RFFL: variants seen among roughly 807,000 people sequenced by gnomAD.
RFFL encodes the protein ring finger and FYVE like domain containing E3 ubiquitin protein ligase, also known as E3 ubiquitin-protein ligase rififylin.
In RFFL, 16 loss-of-function variants were observed where a neutral mutation model predicts 40.4. That is an observed-to-expected ratio of 0.40 (90% confidence interval 0.27 to 0.60). RFFL has a LOEUF of 0.60. Ranked by LOEUF, RFFL falls within the 20% of genes least tolerant of loss-of-function variation. The pLI is 0.47. For missense variants in RFFL, 367 were observed against 451.7 expected (o/e 0.81, Z 1.70); for synonymous variants, 154 against 167.9 (o/e 0.92, Z 0.64).
chr17:35,011,504 T>C lies in RFFL; in HGVS notation c.*464A>G, dbSNP rs942966784. 2.4e-4 allele frequency: 39 copies of C among 160,486 alleles called. No individual in the cohort carries two copies. The highest frequency in any genetic ancestry group is 8.4e-4 in the African/African-American group (35 of 41,584). 9.9% of individuals were successfully genotyped at this position (160,486 alleles called of 1,614,324 possible). A position where few individuals can be genotyped will look rare whatever the true frequency, so the allele number is the denominator to read the frequency against. ...ATGTAGCAAGAGACTTTAGCAAAGATAGTTAAAGCACAGAAAGCCGGAGAG... is the reference window on the plus strand; with the variant it reads ...ATGTAGCAAGAGACTTTAGCAAAGACAGTTAAAGCACAGAAAGCCGGAGAG... On this transcript the variant is annotated 3_prime_UTR_variant, in exon 7 of 7. Transcript: ENST00000394597.
In RFFL at chr17:35,009,083, C is replaced by T. The variant is rs2090917547; in HGVS notation, c.*2885G>A. 1 of 152,618 alleles carries T rather than the reference C, an allele frequency of 6.6e-6. No homozygotes were observed. Among genetic ancestry groups the T allele is most frequent in the African/African-American group, 2.4e-5 (1 of 41,442 alleles). The allele number at this position is 152,618 out of a possible 1,614,324, so 9.5% of individuals were successfully genotyped here. ...CAGGCTCTTTTGTCAGTCCTATCAA[C>T]CTCTAACATCCTCGCACCAGACAGG... On this transcript the variant is annotated 3_prime_UTR_variant, in exon 7 of 7. Transcript: ENST00000394597.
intron 1 of RFFL, among the ~76,000 whole-genome samples, chr17:35,081,151 A>AT (rs1000617812): frequency 1.3e-5 from 2 of 152,214 alleles, no homozygotes; most frequent in African/African-American, 4.8e-5. Flanking sequence ...CTAAAAAAAA[A>AT]GTGGGGGTTA....
intron 3 of RFFL, among the ~76,000 whole-genome samples, 162 bp downstream of exon 3, chr17:35,021,209 T>C (rs1409957707): frequency 6.6e-6 from 1 of 151,986 alleles, no homozygotes; most frequent in Non-Finnish European, 1.5e-5. Context: ...AAAACATGAG[T>C]CTGATACCCA....
At chr17:35,068,079 C>T (rs186571015), upstream of RFFL, among the ~76,000 whole-genome samples, 31 of 152,296 alleles carry the variant, frequency 2.0e-4, no homozygotes, top group Admixed American at 1.8e-3. Flanking sequence ...GGATATGATA[C>T]AAGGGGCTTA....
chr17:35,071,912 G>T (rs2091352754), intron 1 of RFFL, among the ~76,000 whole-genome samples: 1 of 152,136 alleles, frequency 6.6e-6, no homozygotes, highest in South Asian at 2.1e-4. Flanking sequence ...AACTTGGATG[G>T]ATGGTGTGAC....
chr17:35,046,552 AAAT>A (rs1009145229), intron 1 of RFFL, among the ~76,000 whole-genome samples: 3 of 152,312 alleles, frequency 2.0e-5, no homozygotes, highest in African/African-American at 7.2e-5. Flanking sequence ...TAAACTGTTA[AAAT>A]AATAATATGA....
At chr17:35,023,823 G>A (rs1024561824) in intron 2 of RFFL, among the ~76,000 whole-genome samples, 1 of 152,172 alleles carries the variant, frequency 6.6e-6, no homozygotes, top group Non-Finnish European at 1.5e-5. Context: ...CAACAACCTA[G>A]CTTCTATGCA....
intron 1 of RFFL, among the ~76,000 whole-genome samples, chr17:35,040,626 A>G (rs1462967102): frequency 6.6e-6 from 1 of 151,712 alleles, no homozygotes; most frequent in Non-Finnish European, 1.5e-5. Flanking sequence ...GTAAAAAAAA[A>G]ATAAAAAATA....
At chr17:35,078,031 T>TA (rs762833204) in intron 1 of RFFL, among the ~76,000 whole-genome samples, 15 of 152,202 alleles carry the variant, frequency 9.9e-5, no homozygotes, top group Admixed American at 2.0e-4. Flanking sequence ...TCTTTTTTTT[T>TA]ATGTGTGGTT....
chr17:35,026,124 G>A (rs2091039032), intron 2 of RFFL, among the ~76,000 whole-genome samples: 3 of 152,224 alleles, frequency 2.0e-5, no homozygotes, highest in Admixed American at 2.0e-4. Flanking sequence ...AGAGAGGTTA[G>A]ATCATATAGC....
rs554717975 is a variant in RFFL, at chr17:35,049,914, T to G, written c.-9+13662A>C. On this transcript the variant is annotated intron_variant, in intron 1 of 6. Transcript: ENST00000394597. ...CTGGCCAACATGGCGAAACCCTGTCTCTACTAAAAATACAAAAATTAGCCA... is the reference window on the plus strand; with the variant it reads ...CTGGCCAACATGGCGAAACCCTGTCGCTACTAAAAATACAAAAATTAGCCA... 1.9e-3 allele frequency among the ~76,000 whole-genome samples: 286 copies of G among 152,108 alleles called. 2 individuals carry two copies. Among genetic ancestry groups the G allele is most frequent in the African/African-American group, 6.6e-3 (276 of 41,508 alleles).
rs776518966 is a variant in RFFL, at chr17:35,021,447, G to A, written c.515C>T (p.Pro172Leu). 1 of 1,552,404 alleles carries A rather than the reference G, an allele frequency of 6.4e-7. No individual in the cohort carries two copies. The highest frequency in any genetic ancestry group is 2.0e-5 in the Admixed American group (1 of 50,834). The part of the protein sequence containing the change: ...LTQPHSSMVP[P>L]TSPNLPSSSA... ...TGAAGAGGGGAGGTTGGGTGAGGTA[G>A]GTGGAACCATGCTGGAGTGAGGCTG... The change falls in exon 3 of 7, where the codon CCT becomes CTT. Residue 172 changes from proline to leucine, a missense_variant. By Grantham distance (98) the Pro-to-Leu change is moderately conservative. Transcript: ENST00000394597.
chr17:35,070,212 C>T (rs1212313077), intron 1 of RFFL, among the ~76,000 whole-genome samples: 1 of 152,118 alleles, frequency 6.6e-6, no homozygotes, highest in Admixed American at 6.5e-5. Context: ...ACTCTGTCAC[C>T]GAGGCTGGAG....
At chr17:35,054,171 A>G (rs1206353856) in intron 1 of RFFL, among the ~76,000 whole-genome samples, 1 of 152,166 alleles carries the variant, frequency 6.6e-6, no homozygotes, top group East Asian at 1.9e-4. Context: ...CCTTCAATCA[A>G]GCACTATAGT....
At chr17:35,033,970 G>A (rs933089244) in intron 1 of RFFL, among the ~76,000 whole-genome samples, 2 of 151,632 alleles carry the variant, frequency 1.3e-5, no homozygotes, top group African/African-American at 2.4e-5. Context: ...GTGAAACCCC[G>A]TCTCTACTGA....
intron 3 of RFFL, chr17:35,018,882 T>C (rs1368917870): frequency 6.6e-6 from 1 of 152,264 alleles, no homozygotes. Flanking sequence ...TGTTCCTAAG[T>C]AGCTATCTTT....
upstream of RFFL, among the ~76,000 whole-genome samples, chr17:35,066,753 TCTAA>T (rs1156834782): frequency 1.3e-5 from 2 of 152,196 alleles, no homozygotes; most frequent in Non-Finnish European, 2.9e-5. Context: ...ACATCCTTTT[TCTAA>T]CTGAGAAGTC....
At chr17:35,070,014 T>C (rs1213243657) in intron 1 of RFFL, among the ~76,000 whole-genome samples, 1 of 151,992 alleles carries the variant, frequency 6.6e-6, no homozygotes, top group African/African-American at 2.4e-5. Context: ...ATATGATAGA[T>C]ACACACATAC....
At chr17:35,040,231 C>T (rs2091154793) in intron 1 of RFFL, among the ~76,000 whole-genome samples, 1 of 152,170 alleles carries the variant, frequency 6.6e-6, no homozygotes, top group South Asian at 2.1e-4. Flanking sequence ...CTTCTTACCC[C>T]TCCCTCTGTT....
Sources: allele counts gnomAD v4.1 joint callset (sites outside exome capture counted in the v4.1 genomes callset), GRCh38; gene constraint gnomAD v4.1.1; transcripts MANE v1.5; gene names NCBI Gene and HGNC (gene_info 2026-07-23, HGNC 2026-07-21).